Variants in BCAR3 observed in about 807,000 individuals in gnomAD.
BCAR3 encodes the protein breast cancer anti-estrogen resistance protein 3.
Under a neutral mutation model 80.1 loss-of-function variants are expected in BCAR3, and 37 were observed. The observed-to-expected ratio is 0.46, with a 90% CI of 0.36 to 0.61. The LOEUF (loss-of-function observed/expected upper bound fraction) is 0.61, where lower values mean the gene tolerates loss of function less well. BCAR3 is among the 20% of genes least tolerant of loss of function. The pLI is 0.00. For synonymous variants in BCAR3, 389 were observed against 418.9 expected, an observed-to-expected ratio of 0.93 and a Z score of 0.87; for missense variants, 978 against 1,068.2, an observed-to-expected ratio of 0.92 and a Z score of 1.18.
rs147281542 is a variant in BCAR3 at position 93,598,363 on chromosome 1, A to G, written c.358-5970T>C. Among the ~76,000 whole-genome samples the G allele has an allele frequency of 1.6e-3, 250 of 152,336 alleles. 1 individual carries two copies. In the Middle Eastern group the frequency reaches 0.02, roughly 12 times the overall value. On this transcript the variant is annotated intron_variant, in intron 3 of 11. Transcript: ENST00000260502. ...TGAAAAAGGTGGCATCTGCATTATAATTAATAATTATTTTACTCTATCCCT... is the reference window on the plus strand; with the variant it reads ...TGAAAAAGGTGGCATCTGCATTATAGTTAATAATTATTTTACTCTATCCCT...
chr1:93,818,926 G>A (rs1245824180), intron 2 of BCAR3, among the ~76,000 whole-genome samples: 1 of 152,204 alleles, frequency 6.6e-6, no homozygotes, highest in Non-Finnish European at 1.5e-5. Flanking sequence ...ATAGTTAAGT[G>A]CTGAAGAATT....
At chr1:93,777,465 CTCT>C (rs1313308081) in intron 2 of BCAR3, among the ~76,000 whole-genome samples, 4 of 144,918 alleles carry the variant, frequency 2.8e-5, no homozygotes, top group African/African-American at 8.0e-5. Context: ...CTTCCTCCTC[CTCT>C]TCTTCCTCCT....
At chr1:93,824,386 C>A (rs1654314944) in intron 2 of BCAR3, among the ~76,000 whole-genome samples, 1 of 133,776 alleles carries the variant, frequency 7.5e-6, no homozygotes, top group Admixed American at 7.8e-5. Context: ...AGGTCAGGGG[C>A]CAGGAGCAGG....
intron 2 of BCAR3, among the ~76,000 whole-genome samples, chr1:93,711,065 T>G (rs1650003379): frequency 6.6e-6 from 1 of 152,196 alleles, no homozygotes; most frequent in Admixed American, 6.5e-5. Flanking sequence ...GGAAGCTGGC[T>G]TCTCCCAGAA....
intron 3 of BCAR3, among the ~76,000 whole-genome samples, chr1:93,618,724 A>G (rs1005747196): frequency 6.6e-6 from 1 of 152,186 alleles, no homozygotes; most frequent in Non-Finnish European, 1.5e-5. Context: ...TACATACAGG[A>G]CATAATCCCA....
At chr1:93,749,890 T>C (rs1209924003) in intron 2 of BCAR3, among the ~76,000 whole-genome samples, 1 of 104,366 alleles carries the variant, frequency 9.6e-6, no homozygotes, top group Non-Finnish European at 2.2e-5. Flanking sequence ...TCTTGACTTA[T>C]TTTTTTTTTT....
At chr1:93,688,955 C>T (rs1028508892) in intron 3 of BCAR3, among the ~76,000 whole-genome samples, 1 of 152,012 alleles carries the variant, frequency 6.6e-6, no homozygotes, top group Admixed American at 6.6e-5. Flanking sequence ...TTATTTTTAT[C>T]ATGTAAAATG....
At position 93,834,549 on chromosome 1, in the gene BCAR3, C is replaced by T. The variant is rs147212791; in HGVS notation, c.-63+11018G>A. Among the ~76,000 whole-genome samples the T allele has an allele frequency of 4.5e-3, 692 of 152,302 alleles. 3 individuals are homozygous for T. Among genetic ancestry groups the T allele is most frequent in the Middle Eastern group, 0.014 (4 of 294 alleles). ...CAGGGCCGTGTGGTTAGAATTCTTA[C>T]CCAAGAGCCAGGACTGCGCTCTGTA... On this transcript the variant is annotated intron_variant, in intron 2 of 13. Coordinates refer to the BCAR3 transcript ENST00000370244.
At chr1:93,568,050 G>C in intron 9 of BCAR3, 199 bp from the exon 10 acceptor site, 1 of 474,296 alleles carries the variant, frequency 2.1e-6, no homozygotes, top group South Asian at 2.1e-5. Context: ...GCCAGGCGTG[G>C]TGGCGTGTGC....
At chr1:93,595,737 T>C (rs967620451) in intron 3 of BCAR3, among the ~76,000 whole-genome samples, 27 of 152,238 alleles carry the variant, frequency 1.8e-4, no homozygotes, top group African/African-American at 6.0e-4. Context: ...GGTGACCATA[T>C]AACAAATTGT....
chr1:93,687,069 C>G (rs1649001602), intron 3 of BCAR3, among the ~76,000 whole-genome samples: 1 of 152,188 alleles, frequency 6.6e-6, no homozygotes, highest in Admixed American at 6.5e-5. Flanking sequence ...TCTATAGACT[C>G]TAAGATCTAT....
chr1:93,784,804 C>T (rs1160885648), intron 2 of BCAR3, among the ~76,000 whole-genome samples: 1 of 152,236 alleles, frequency 6.6e-6, no homozygotes, highest in African/African-American at 2.4e-5. Context: ...GAACACTGGG[C>T]ACTTATCTTC....
chr1:93,616,445 A>G (rs1175387634), intron 3 of BCAR3, among the ~76,000 whole-genome samples: 1 of 152,178 alleles, frequency 6.6e-6, no homozygotes, highest in Non-Finnish European at 1.5e-5. Context: ...CTGCCTATTT[A>G]CGCTGATCAA....
chr1:93,802,996 A>C (rs988281513), intron 2 of BCAR3, among the ~76,000 whole-genome samples: 7 of 152,188 alleles, frequency 4.6e-5, no homozygotes, highest in Non-Finnish European at 8.8e-5. Flanking sequence ...CTTACCCCAG[A>C]GTTAATCTTC....
At chr1:93,657,839 A>G (rs1571015055) in intron 2 of BCAR3, among the ~76,000 whole-genome samples, 1 of 152,180 alleles carries the variant, frequency 6.6e-6, no homozygotes, top group East Asian at 1.9e-4. Context: ...TCAACCTGAA[A>G]AGGGTATCTG....
rs369490013 is a variant in BCAR3, at chr1:93,562,284, G to A, written c.2435C>T (p.Ser812Leu). The A allele has an allele frequency of 1.5e-5, 24 of 1,613,924 alleles. No homozygotes were observed. The highest frequency in any genetic ancestry group is 8.8e-5 in the South Asian group (8 of 91,060). ...EKFNQILTAL[S>L]RKLEPPPVKQ... is the part of the protein sequence containing the mutation. ...TACAGGAGGAGGTTCCAATTTACGCGAGAGGGCAGTTAAAATCTGGTTGAA... is the reference window on the plus strand; with the variant it reads ...TACAGGAGGAGGTTCCAATTTACGCAAGAGGGCAGTTAAAATCTGGTTGAA... The change falls in exon 12 of 12, where the codon TCG becomes TTG. Residue 812 changes from serine (S) to leucine (L), a missense_variant. Physicochemically the swap from Ser to Leu is moderately radical, Grantham distance 145. Coordinates refer to ENST00000260502, the MANE Select transcript of BCAR3 (RefSeq NM_003567.4).
At chr1:93,610,874 T>C (rs1387985026) in intron 3 of BCAR3, among the ~76,000 whole-genome samples, 3 of 151,264 alleles carry the variant, frequency 2.0e-5, no homozygotes, top group Non-Finnish European at 4.4e-5. Context: ...GAGGTTGTAG[T>C]GAGCCGAGAT....
chr1:93,664,846 C>T (rs1647824118), intron 2 of BCAR3, among the ~76,000 whole-genome samples: 1 of 152,210 alleles, frequency 6.6e-6, no homozygotes, highest in Non-Finnish European at 1.5e-5. Flanking sequence ...TAAGCTCAAA[C>T]ACAGCACTTC....
intron 2 of BCAR3, among the ~76,000 whole-genome samples, chr1:93,784,477 T>C (rs12121376): frequency 0.13 from 20,492 of 152,056 alleles, 2,163 homozygotes; most frequent in African/African-American, 0.28. Flanking sequence ...GTGCCAGCAG[T>C]GCTGAGGGTG....
Sources: allele counts gnomAD v4.1 joint callset (sites outside exome capture counted in the v4.1 genomes callset), GRCh38; gene constraint gnomAD v4.1.1; transcripts MANE v1.5; gene names NCBI Gene and HGNC (gene_info 2026-07-23, HGNC 2026-07-21).